The following IGSF9 variants were observed in gnomAD, a reference collection of about 807,000 sequenced individuals.
IGSF9 encodes protein turtle homolog A.
In IGSF9, 87 loss-of-function variants were observed where a neutral mutation model predicts 121.7. That is an observed-to-expected ratio of 0.71 (90% confidence interval 0.60 to 0.85). The LOEUF (loss-of-function observed/expected upper bound fraction) is 0.85, where lower values mean the gene tolerates loss of function less well. Ranked by LOEUF, IGSF9 falls within the 40% of genes least tolerant of loss-of-function variation. The probability of loss-of-function intolerance (pLI) is 0.00; values close to 1 mark genes in which losing one functional copy is unlikely to be tolerated. For missense variants in IGSF9, 1,462 were observed against 1,565.3 expected (o/e 0.93, Z 1.11); for synonymous variants, 640 against 648.4 (o/e 0.99, Z 0.20).
Position 159,931,874 on chromosome 1 carries a change from G to A in IGSF9, c.1300C>T (p.Arg434Trp), listed in dbSNP as rs780462812. 1.9e-5 allele frequency: 31 copies of A among 1,597,850 alleles called. No individual in the cohort carries two copies. Among genetic ancestry groups the A allele is most frequent in the South Asian group, 1.0e-4 (9 of 88,568 alleles). The change falls in exon 11 of 21, where the codon CGG becomes TGG. Residue 434 changes from arginine to tryptophan, a missense_variant. Coordinates refer to ENST00000368094, the MANE Select transcript of IGSF9 (RefSeq NM_001135050.2). The surrounding 1 kb of genome is among the most constrained non-coding windows in gnomAD (Gnocchi z 4.8). ...PKEEYFQEVG[R>W]ELLIPCSAQG... is the part of the protein sequence containing the mutation. Reference sequence around the variant, plus strand: ...GCGGAGCAGGGGATGAGCAGCTCCCGCCCTACTTCTTGGAAATATTCTTCC... The same window carrying A: ...GCGGAGCAGGGGATGAGCAGCTCCCACCCTACTTCTTGGAAATATTCTTCC...
In IGSF9 at chr1:159,936,740, C is replaced by A. The variant is rs747034208; in HGVS notation, c.555+14G>T. Reference sequence around the variant, plus strand: ...CACTCTATATGGCTCACTCTGTCCACCCCCAGGACTCACTTGCACCTGGCC... The same window carrying A: ...CACTCTATATGGCTCACTCTGTCCAACCCCAGGACTCACTTGCACCTGGCC... On this transcript the variant is annotated intron_variant, in intron 5 of 20. Transcript: ENST00000368094. 1.2e-6 allele frequency: 2 copies of A among 1,613,692 alleles called. No individual in the cohort carries two copies. Among genetic ancestry groups the A allele is most frequent in the Non-Finnish European group, 8.5e-7 (1 of 1,179,738 alleles).
Position 159,931,400 on chromosome 1 carries a change from A to C in IGSF9, c.1513+53T>G. On this transcript the variant is annotated intron_variant, in intron 12 of 20. Coordinates refer to ENST00000368094, the MANE Select transcript of IGSF9 (RefSeq NM_001135050.2). The surrounding 1 kb of genome is among the most constrained non-coding windows in gnomAD (Gnocchi z 4.8). ...ATGATCCTCTTTCTGGGCCTCCAAAAACGATTCCCAAGTAGTTTCTCCCAG... is the reference window on the plus strand; with the variant it reads ...ATGATCCTCTTTCTGGGCCTCCAAACACGATTCCCAAGTAGTTTCTCCCAG... 6.2e-7 allele frequency: 1 copy of C among 1,600,052 alleles called. No homozygotes were observed. Among genetic ancestry groups the C allele is most frequent in the Non-Finnish European group, 8.5e-7 (1 of 1,170,834 alleles).
intron 1 of IGSF9, among the ~76,000 whole-genome samples, chr1:159,943,977 A>C (rs1202260764): frequency 6.6e-6 from 1 of 152,104 alleles, no homozygotes; most frequent in Admixed American, 6.5e-5. Context: ...GCTTGGAAAA[A>C]TATTTTTGAA....
chr1:159,932,080 T>C lies in IGSF9; in HGVS notation c.1246-152A>G. 2 of 591,106 alleles carry C rather than the reference T, an allele frequency of 3.4e-6. No individual in the cohort carries two copies. Among genetic ancestry groups the C allele is most frequent in the Non-Finnish European group, 6.0e-6 (2 of 334,904 alleles). 36.6% of individuals were successfully genotyped at this position (591,106 alleles called of 1,614,324 possible). ...CACCAAGCCTGTCTCTACCTCATTC[T>C]CTCTCCATCTCTCAATTCCTCTCTG... On this transcript the variant is annotated intron_variant, in intron 10 of 20. Coordinates refer to ENST00000368094, the MANE Select transcript of IGSF9 (RefSeq NM_001135050.2). This position sits in a 1 kb window ranked among gnomAD's most constrained non-coding sequence, Gnocchi z 4.1.
rs758041388 is a variant in IGSF9 at position 159,927,401 on chromosome 1, G to A, written c.3484C>T (p.Arg1162Trp). 52 of 1,613,778 alleles carry A rather than the reference G, an allele frequency of 3.2e-5. No homozygotes were observed. Among genetic ancestry groups the A allele is most frequent in the Admixed American group, 6.7e-5 (4 of 60,004 alleles). ...ACTGGCTGTCGATAGGCTGGTAGCCGAGCCCTAGTAGCATCTCGGCGGCGG... is the reference window on the plus strand; with the variant it reads ...ACTGGCTGTCGATAGGCTGGTAGCCAAGCCCTAGTAGCATCTCGGCGGCGG... Reference protein sequence around the residue: ...FRRRRDATRARLPAYRQPVPH... With the variant: ...FRRRRDATRAWLPAYRQPVPH... Residue 1162 changes from arginine to tryptophan, a missense_variant, in exon 21 of 21, where the codon CGG becomes TGG. Physicochemically the swap from Arg to Trp is moderately radical, Grantham distance 101 (BLOSUM62 -3). This residue lies in a region of IGSF9 where 808 missense variants were observed against 815.2 expected (regional missense o/e 0.99). Transcript: ENST00000368094.
Position 159,932,564 on chromosome 1 carries a change from T to A in IGSF9, c.1193A>T (p.Tyr398Phe). The change falls in exon 10 of 21, where the codon TAC (tyrosine) becomes TTC (phenylalanine). Residue 398 changes from tyrosine (Y) to phenylalanine (F), a missense_variant. By Grantham distance (22) the Tyr-to-Phe change is conservative. Transcript: ENST00000368094. This position sits in a 1 kb window ranked among gnomAD's most constrained non-coding sequence, Gnocchi z 4.1. The part of the protein sequence containing the change: ...DALGEYSCTP[Y>F]NSLGTAGPSP... Reference sequence around the variant, plus strand: ...GGGCCCGGCGGTACCAAGACTGTTGTAGGGGGTGCAGGAGTATTCTCCCAG... The same window carrying A: ...GGGCCCGGCGGTACCAAGACTGTTGAAGGGGGTGCAGGAGTATTCTCCCAG... 1 of 1,613,936 alleles carries A rather than the reference T, an allele frequency of 6.2e-7. No individual in the cohort carries two copies. Among genetic ancestry groups the A allele is most frequent in the Non-Finnish European group, 8.5e-7 (1 of 1,179,938 alleles).
At position 159,931,692 on chromosome 1, in the gene IGSF9, C is replaced by T. The variant is rs1187488433; in HGVS notation, c.1363-89G>A. On this transcript the variant is annotated intron_variant, in intron 11 of 20. Transcript: ENST00000368094. The surrounding 1 kb of genome is among the most constrained non-coding windows in gnomAD (Gnocchi z 4.8). ...TCTCTCCAGGCAGCTCCAGTTCCTC[C>T]CCACCCTGCCTCTGACAGCCTTCTC... The T allele has an allele frequency of 1.6e-5, 25 of 1,533,772 alleles. No homozygotes were observed. Among genetic ancestry groups the T allele is most frequent in the Non-Finnish European group, 2.2e-5 (25 of 1,126,388 alleles).
chr1:159,928,615 G>C lies in IGSF9; in HGVS notation c.2773C>G (p.Gln925Glu), dbSNP rs1198253069. The change falls in exon 19 of 21, where the codon CAG becomes GAG. Residue 925 changes from glutamine (Q) to glutamate (E), a missense_variant. Physicochemically the swap from Gln to Glu is conservative, Grantham distance 29. Transcript: ENST00000368094. ...SPLPGPGPLL[Q>E]YLSLPFFREM... ...CGGAAGAAGGGCAGGCTCAGGTACT[G>C]GAGCAGGGGTCCAGGACCTGGCAAG... is the stretch of plus-strand genomic sequence containing the variant. The C allele has an allele frequency of 4.7e-6, 7 of 1,494,728 alleles. No homozygotes were observed. The highest frequency in any genetic ancestry group is 8.9e-7 in the Non-Finnish European group (1 of 1,120,764). The allele number at this position is 1,494,728 out of a possible 1,614,324, so 92.6% of individuals were successfully genotyped here.
Position 159,932,420 on chromosome 1 carries a change from G to GGCCCCCCCCCC in IGSF9, c.1245+91_1245+92insGGGGGGGGGGC. On this transcript the variant is annotated intron_variant, in intron 10 of 20. Coordinates refer to ENST00000368094, the MANE Select transcript of IGSF9 (RefSeq NM_001135050.2). This position sits in a 1 kb window ranked among gnomAD's most constrained non-coding sequence, Gnocchi z 4.1. ...CTTGGAAACCCCTCCCCATGTGTCT[G>GGCCCCCCCCCC]CCCCACCCCACCCCCATCAGCCTGG... 9.8e-7 allele frequency: 1 copy of GGCCCCCCCCCC among 1,021,816 alleles called. No homozygotes were observed. The allele number at this position is 1,021,816 out of a possible 1,614,324, so 63.3% of individuals were successfully genotyped here. A position where few individuals can be genotyped will look rare whatever the true frequency, so the allele number is the denominator to read the frequency against.
chr1:159,932,742 AC>A lies in IGSF9; in HGVS notation c.1105-91del. 1 of 1,308,968 alleles carries A rather than the reference AC, an allele frequency of 7.6e-7. No individual in the cohort carries two copies. Among genetic ancestry groups the A allele is most frequent in the Non-Finnish European group, 1.0e-6 (1 of 956,846 alleles). The allele number at this position is 1,308,968 out of a possible 1,614,324, so 81.1% of individuals were successfully genotyped here. On this transcript the variant is annotated intron_variant, in intron 9 of 20. Coordinates refer to ENST00000368094, the MANE Select transcript of IGSF9 (RefSeq NM_001135050.2). The surrounding 1 kb of genome is among the most constrained non-coding windows in gnomAD (Gnocchi z 4.1). ...TACAAGAGAGGGGGCAGGATGAGAAACCCACAGCTGTGCAGAAGACTCCAGC... is the reference window on the plus strand; with the variant it reads ...TACAAGAGAGGGGGCAGGATGAGAAACCACAGCTGTGCAGAAGACTCCAGC...
In IGSF9 at chr1:159,931,391, G is replaced by A. The variant is rs1650991869; in HGVS notation, c.1513+62C>T. The A allele has an allele frequency of 5.0e-6, 8 of 1,597,598 alleles. No individual in the cohort carries two copies. In the Admixed American group the frequency reaches 8.5e-5, roughly 17 times the overall value. ...CCCACACCCATGATCCTCTTTCTGG[G>A]CCTCCAAAAACGATTCCCAAGTAGT... On this transcript the variant is annotated intron_variant, in intron 12 of 20. Transcript: ENST00000368094. The surrounding 1 kb of genome is among the most constrained non-coding windows in gnomAD (Gnocchi z 4.8).
At position 159,936,916 on chromosome 1, in the gene IGSF9, G is replaced by A. The variant is rs1651210852; in HGVS notation, c.401-8C>T. On this transcript the variant is annotated splice_polypyrimidine_tract_variant and splice_region_variant and intron_variant, in intron 4 of 20. Coordinates refer to ENST00000368094, the MANE Select transcript of IGSF9 (RefSeq NM_001135050.2). ...CCTGGAATTGAGGGGGTGCTGCAAG[G>A]GAGACAGGCATCAGGGGCCCCAGTG... is the stretch of plus-strand genomic sequence containing the variant. 1.2e-6 allele frequency: 2 copies of A among 1,613,794 alleles called. No homozygotes were observed. The highest frequency in any genetic ancestry group is 1.3e-5 in the African/African-American group (1 of 74,934).
At position 159,931,036 on chromosome 1, in the gene IGSF9, G is replaced by T; in HGVS notation, c.1637+102C>A. The T allele has an allele frequency of 6.5e-7, 1 of 1,542,086 alleles. No individual in the cohort carries two copies. The highest frequency in any genetic ancestry group is 1.4e-5 in the African/African-American group (1 of 73,684). On this transcript the variant is annotated intron_variant, in intron 13 of 20. Coordinates refer to ENST00000368094, the MANE Select transcript of IGSF9 (RefSeq NM_001135050.2). The surrounding 1 kb of genome is among the most constrained non-coding windows in gnomAD (Gnocchi z 4.8). ...GGGAAGCAGAGCCAGGACTGGTGAGGGATAGAGGGACAGAAGAAAGGGCAG... is the reference window on the plus strand; with the variant it reads ...GGGAAGCAGAGCCAGGACTGGTGAGTGATAGAGGGACAGAAGAAAGGGCAG...
At position 159,928,423 on chromosome 1, in the gene IGSF9, C is replaced by T; in HGVS notation, c.2965G>A (p.Gly989Arg). The T allele has an allele frequency of 6.2e-7, 1 of 1,604,868 alleles. No homozygotes were observed. The highest frequency in any genetic ancestry group is 8.5e-7 in the Non-Finnish European group (1 of 1,175,458). The change falls in exon 19 of 21, where the codon GGG becomes AGG. Residue 989 changes from glycine (G) to arginine (R), a missense_variant. Transcript: ENST00000368094. ...GTGTAAGGGGGCTCTGCAGTGGCCC[C>T]AGCCCCTACCACAGCCCCAGGAAGT... ...ESLPGAVVGA[G>R]ATAEPPYTAL... is the part of the protein sequence containing the mutation.
chr1:159,943,328 C>T, intron 2 of IGSF9, 69 bp downstream of exon 2: 1 of 1,437,824 alleles, frequency 7.0e-7, no homozygotes, highest in Non-Finnish European at 9.3e-7. Flanking sequence ...AAAGAGGAAC[C>T]CTTGAGGAAC....
In IGSF9 at chr1:159,932,056, A is replaced by C. The variant is rs1571214202; in HGVS notation, c.1246-128T>G. The C allele has an allele frequency of 3.0e-5, 19 of 627,132 alleles. No individual in the cohort carries two copies. The highest frequency in any genetic ancestry group is 8.4e-5 in the East Asian group (3 of 35,852). 38.8% of individuals were successfully genotyped at this position (627,132 alleles called of 1,614,324 possible). A position where few individuals can be genotyped will look rare whatever the true frequency, so the allele number is the denominator to read the frequency against. On this transcript the variant is annotated intron_variant, in intron 10 of 20. Coordinates refer to ENST00000368094, the MANE Select transcript of IGSF9 (RefSeq NM_001135050.2). The surrounding 1 kb of genome is among the most constrained non-coding windows in gnomAD (Gnocchi z 4.1). ...CCTCACTCCCCCTAGCTAAACACTC[A>C]CCAAGCCTGTCTCTACCTCATTCTC...
intron 3 of IGSF9, among the ~76,000 whole-genome samples, chr1:159,939,780 G>A (rs1393759746): frequency 6.6e-6 from 1 of 152,220 alleles, no homozygotes; most frequent in Non-Finnish European, 1.5e-5. Context: ...GAGTTCCAGG[G>A]TGTGGATTCT....
chr1:159,937,769 T>C lies in IGSF9; in HGVS notation c.317A>G (p.Tyr106Cys). ...EGLRVEDQGW[Y>C]ECRVFFLDQH... Reference sequence around the variant, plus strand: ...GTCCAGGAAGAACACGCGGCACTCGTACCAGCCCTGGTCTTCCACCCGGAG... The same window carrying C: ...GTCCAGGAAGAACACGCGGCACTCGCACCAGCCCTGGTCTTCCACCCGGAG... The change falls in exon 4 of 21, where the codon TAC becomes TGC. Residue 106 changes from tyrosine to cysteine, a missense_variant. By Grantham distance (194) the Tyr-to-Cys change is radical. This residue lies in a region of IGSF9 where 558 missense variants were observed against 599.4 expected (regional missense o/e 0.93). Transcript: ENST00000368094. 1 of 1,614,094 alleles carries C rather than the reference T, an allele frequency of 6.2e-7. No individual in the cohort carries two copies. The highest frequency in any genetic ancestry group is 2.2e-5 in the East Asian group (1 of 44,880).
At chr1:159,927,634 A>T in intron 20 of IGSF9, 108 bp from the exon 21 acceptor site, 1 of 1,540,738 alleles carries the variant, frequency 6.5e-7, no homozygotes, top group African/African-American at 1.4e-5. Context: ...CCAAGGGGGC[A>T]AGGCACAGTC....
Sources: gnomAD v4.1 joint callset for allele counts (sites outside exome capture counted in the v4.1 genomes callset) on GRCh38, gnomAD v4.1.1 for gene constraint, gnomAD v4.1.1 regional missense constraint, Gnocchi (gnomAD v3.1) non-coding constraint, MANE v1.5 for transcripts, NCBI Gene and HGNC (gene_info 2026-07-23, HGNC 2026-07-21) for gene names.